GMDS: variants seen among roughly 807,000 people sequenced by gnomAD.
The protein encoded by GMDS is GDP-mannose 4,6-dehydratase.
A neutral mutation model predicts 49.9 loss-of-function variants in GMDS; 20 were observed. That is an observed-to-expected ratio of 0.40 (90% confidence interval 0.28 to 0.58). GMDS has a LOEUF of 0.58. Among genes scored for constraint, GMDS ranks in the 20% least tolerant of loss-of-function variants. The pLI is 0.42. For synonymous variants in GMDS, 177 were observed against 178.6 expected (o/e 0.99, Z 0.07); for missense variants, 362 against 481.4 (o/e 0.75, Z 2.32).
chr6:2,166,241 A>G (rs1040855011), intron 1 of GMDS, among the ~76,000 whole-genome samples: 3 of 152,214 alleles, frequency 2.0e-5, no homozygotes, highest in East Asian at 1.9e-4. Flanking sequence ...CCTATACTGA[A>G]TATCTTCAGT....
At chr6:1,965,750 T>TCGAA (rs1764225716) in intron 4 of GMDS, among the ~76,000 whole-genome samples, 1 of 152,084 alleles carries the variant, frequency 6.6e-6, no homozygotes, top group Admixed American at 6.5e-5. Flanking sequence ...GAAGGATTAC[T>TCGAA]CGAACCCAGG....
chr6:2,132,701 C>T lies in GMDS; in HGVS notation c.103-7970G>A, dbSNP rs543902954. ...TGCCCTGGAAAAATAAATCACCACACGAGCATGAAATCAGGATTGGGAAAA... is the reference window on the plus strand; with the variant it reads ...TGCCCTGGAAAAATAAATCACCACATGAGCATGAAATCAGGATTGGGAAAA... On this transcript the variant is annotated intron_variant, in intron 1 of 10. Transcript: ENST00000380815. Among the ~76,000 whole-genome samples, 11 of 152,270 alleles carry T rather than the reference C, an allele frequency of 7.2e-5. No homozygotes were observed. The South Asian group carries it at 8.3e-4, about 11-fold the overall frequency.
intron 6 of GMDS, among the ~76,000 whole-genome samples, chr6:1,948,096 TG>T (rs1763174023): frequency 6.6e-6 from 1 of 152,172 alleles, no homozygotes; most frequent in Admixed American, 6.5e-5. Flanking sequence ...GTGAACACTA[TG>T]ATTACCCCAT....
chr6:1,973,640 A>C (rs78839445), intron 4 of GMDS, among the ~76,000 whole-genome samples: 2,026 of 152,290 alleles, frequency 0.013, 40 homozygotes, highest in African/African-American at 0.046. Context: ...AACAACATAC[A>C]GTCTTCATTA....
At chr6:2,079,018 T>TA (rs1772509227) in intron 4 of GMDS, among the ~76,000 whole-genome samples, 1 of 117,762 alleles carries the variant, frequency 8.5e-6, no homozygotes, top group Admixed American at 9.1e-5. Flanking sequence ...AATGACCTTG[T>TA]CTTTTTTTTT....
At chr6:1,682,560 ATTTTT>A (rs1199208514) in intron 9 of GMDS, among the ~76,000 whole-genome samples, 1 of 24,312 alleles carries the variant, frequency 4.1e-5, no homozygotes, top group African/African-American at 1.5e-4. Flanking sequence ...ATGGCCTTTC[ATTTTT>A]TTTTTTTTTT....
intron 4 of GMDS, among the ~76,000 whole-genome samples, chr6:2,035,958 AT>A (rs1456851110): frequency 6.6e-6 from 1 of 152,116 alleles, no homozygotes; most frequent in African/African-American, 2.4e-5. Context: ...AAGTGCTGGG[AT>A]TACAGGTATG....
intron 2 of GMDS, among the ~76,000 whole-genome samples, chr6:2,122,817 A>G (rs1413906225): frequency 6.6e-6 from 1 of 152,200 alleles, no homozygotes; most frequent in Non-Finnish European, 1.5e-5. Flanking sequence ...CTTTCCCGCT[A>G]TAGTGTCAAC....
intron 4 of GMDS, among the ~76,000 whole-genome samples, chr6:2,066,523 A>C (rs1771604506): frequency 6.6e-6 from 1 of 152,018 alleles, no homozygotes; most frequent in African/African-American, 2.4e-5. Flanking sequence ...CAGGAAACCC[A>C]TCTCATGTGC....
intron 4 of GMDS, among the ~76,000 whole-genome samples, chr6:2,056,866 C>G (rs1487975584): frequency 6.6e-6 from 1 of 152,070 alleles, no homozygotes; most frequent in Non-Finnish European, 1.5e-5. Context: ...CAAAAGTATT[C>G]TGATGTTAAT....
chr6:2,158,151 T>A (rs1777202087), intron 1 of GMDS, among the ~76,000 whole-genome samples: 1 of 152,220 alleles, frequency 6.6e-6, no homozygotes, highest in South Asian at 2.1e-4. Context: ...TTTCCCTTCA[T>A]AGTTTCTAGT....
intron 1 of GMDS, among the ~76,000 whole-genome samples, chr6:2,206,714 G>C (rs1779823967): frequency 1.3e-5 from 2 of 152,162 alleles, no homozygotes; most frequent in African/African-American, 4.8e-5. Flanking sequence ...GCTCTGGCTT[G>C]GTAGGTCAAA....
intron 1 of GMDS, among the ~76,000 whole-genome samples, chr6:2,158,616 T>C (rs1038233808): frequency 2.6e-5 from 4 of 152,212 alleles, no homozygotes; most frequent in African/African-American, 9.6e-5. Context: ...CACTCCTTAG[T>C]AAAAACCTCT....
chr6:1,747,133 C>T (rs1407605960), intron 7 of GMDS, among the ~76,000 whole-genome samples: 2 of 152,116 alleles, frequency 1.3e-5, no homozygotes, highest in African/African-American at 4.8e-5. Flanking sequence ...GGGAAGCTGC[C>T]AGCTCTGGTG....
intron 8 of GMDS, among the ~76,000 whole-genome samples, chr6:1,737,862 CACATACACACAT>C (rs1767082876): frequency 6.7e-6 from 1 of 148,752 alleles, no homozygotes; most frequent in South Asian, 2.2e-4. Flanking sequence ...CAGATATGCA[CACATACACACAT>C]ACATACACAC....
Position 2,191,922 on chromosome 6 carries a change from A to G in GMDS, c.102+53399T>C, listed in dbSNP as rs1275936465. On this transcript the variant is annotated intron_variant, in intron 1 of 10. Coordinates refer to ENST00000380815, the MANE Select transcript of GMDS (RefSeq NM_001500.4). The surrounding 1 kb of genome is among the most constrained non-coding windows in gnomAD (Gnocchi z 4.6). ...GTCCCACAGACCACACTGCAGGCTT[A>G]TGGTGACTTTTCTGGGCCTGCCCAT... is the stretch of plus-strand genomic sequence containing the variant. Among the ~76,000 whole-genome samples, 1 of 152,180 alleles carries G rather than the reference A, an allele frequency of 6.6e-6. No homozygotes were observed. The highest frequency in any genetic ancestry group is 1.5e-5 in the Non-Finnish European group (1 of 68,010).
At chr6:2,147,598 G>A (rs2127534352) in intron 1 of GMDS, among the ~76,000 whole-genome samples, 1 of 151,830 alleles carries the variant, frequency 6.6e-6, no homozygotes, top group South Asian at 2.1e-4. Context: ...ATCATTCCCA[G>A]ATCATCACTC....
intron 4 of GMDS, among the ~76,000 whole-genome samples, chr6:1,981,308 AGAG>A (rs1191807309): frequency 6.6e-6 from 1 of 152,158 alleles, no homozygotes; most frequent in African/African-American, 2.4e-5. Context: ...CAAGAAGAAA[AGAG>A]AGAAGATTCA....
chr6:2,116,508 C>T (rs529441989), intron 3 of GMDS, among the ~76,000 whole-genome samples: 127 of 152,274 alleles, frequency 8.3e-4, no homozygotes, highest in African/African-American at 2.9e-3. Flanking sequence ...TGATCTATAT[C>T]TACATCCAGT....
Sources: allele counts gnomAD v4.1 joint callset (sites outside exome capture counted in the v4.1 genomes callset), GRCh38; gene constraint gnomAD v4.1.1; non-coding constraint Gnocchi (gnomAD v3.1); transcripts MANE v1.5; gene names NCBI Gene and HGNC (gene_info 2026-07-23, HGNC 2026-07-21).